Variants in SEMG1 observed in about 807,000 individuals in gnomAD.
SEMG1 encodes semenogelin 1, also known as semenogelin-1.
In SEMG1, 6 loss-of-function variants were observed where a neutral mutation model predicts 8.8. The ratio of observed to expected loss-of-function variants is 0.68; its 90% confidence interval spans 0.37 to 1.35. The LOEUF is 1.35. Among genes scored for constraint, SEMG1 ranks in the 40% most tolerant of loss-of-function variants. The pLI is 0.02. For missense variants in SEMG1, 580 were observed against 533.6 expected (o/e 1.09, Z -0.86); for synonymous variants, 221 against 190.3 (o/e 1.16, Z -1.33).
At chr20:45,208,989 T>G (rs1026239724) in intron 2 of SEMG1, among the ~76,000 whole-genome samples, 1 of 152,216 alleles carries the variant, frequency 6.6e-6, no homozygotes, top group Non-Finnish European at 1.5e-5. Context: ...TTTTTGTATA[T>G]GCCTACCTGC....
At chr20:45,209,141 C>G (rs1983788206) in intron 2 of SEMG1, among the ~76,000 whole-genome samples, 1 of 152,120 alleles carries the variant, frequency 6.6e-6, no homozygotes, top group Non-Finnish European at 1.5e-5. Flanking sequence ...TTAATGTTTT[C>G]TTTCTGCACA....
In SEMG1 at chr20:45,208,619, A is replaced by G; in HGVS notation, c.1322A>G (p.Gln441Arg). Reference protein sequence around the residue: ...HGGLDIVIIEQEDDSDRHLAQ... With the variant: ...HGGLDIVIIEREDDSDRHLAQ... Reference sequence around the variant, plus strand: ...GGATTGGATATTGTAATTATAGAGCAGGAAGATGACAGTGATCGTCATTTG... The same window carrying G: ...GGATTGGATATTGTAATTATAGAGCGGGAAGATGACAGTGATCGTCATTTG... The change falls in exon 2 of 3, where the codon CAG (glutamine) becomes CGG (arginine). Residue 441 changes from glutamine (Q) to arginine (R), a missense_variant. Coordinates refer to ENST00000372781, the MANE Select transcript of SEMG1 (RefSeq NM_003007.5). 1 of 1,613,632 alleles carries G rather than the reference A, an allele frequency of 6.2e-7. No homozygotes were observed. The highest frequency in any genetic ancestry group is 8.5e-7 in the Non-Finnish European group (1 of 1,179,804).
At position 45,208,476 on chromosome 20, in the gene SEMG1, T is replaced by TAA; in HGVS notation, c.1180_1181dup (p.Gln395SerfsTer44). ...AGTCTCAAATCCAGGCACCAAATCC[T>TAA]AAGCAAGAGCCATGGCATGGTGAAA... On this transcript the variant is annotated frameshift_variant, in exon 2 of 3. Coordinates refer to ENST00000372781, the MANE Select transcript of SEMG1 (RefSeq NM_003007.5). LOFTEE classifies it low-confidence loss of function (END_TRUNC). The TAA allele has an allele frequency of 1.2e-6, 2 of 1,613,892 alleles. No individual in the cohort carries two copies. The highest frequency in any genetic ancestry group is 8.5e-7 in the Non-Finnish European group (1 of 1,179,952).
chr20:45,208,956 A>G (rs1983783264), intron 2 of SEMG1, among the ~76,000 whole-genome samples: 1 of 152,186 alleles, frequency 6.6e-6, no homozygotes, highest in Admixed American at 6.5e-5. Flanking sequence ...CCTATCCTTA[A>G]TTGAATATTC....
At chr20:45,208,882 T>C (rs1365460143) in intron 2 of SEMG1, among the ~76,000 whole-genome samples, 152 bp downstream of exon 2, 1 of 152,160 alleles carries the variant, frequency 6.6e-6, no homozygotes, top group Non-Finnish European at 1.5e-5. Context: ...CCCCATTCCC[T>C]GGTGAGGAGA....
chr20:45,207,816 A>C lies in SEMG1; in HGVS notation c.519A>C (p.Lys173Asn). ...EERLWVHGLSKEQTSVSGAQK... is the reference protein window; with the variant it reads ...EERLWVHGLSNEQTSVSGAQK... ...GGCTGTGGGTTCATGGACTAAGTAA[A>C]GAACAAACTTCCGTCTCTGGTGCAC... Residue 173 changes from lysine (K) to asparagine (N), a missense_variant, in exon 2 of 3, where the codon AAA becomes AAC. By Grantham distance (94) the Lys-to-Asn change is moderately conservative. Coordinates refer to ENST00000372781, the MANE Select transcript of SEMG1 (RefSeq NM_003007.5). 5 of 1,614,100 alleles carry C rather than the reference A, an allele frequency of 3.1e-6. No homozygotes were observed. Among genetic ancestry groups the C allele is most frequent in the Non-Finnish European group, 4.2e-6 (5 of 1,179,964 alleles).
At position 45,208,211 on chromosome 20, in the gene SEMG1, T is replaced by G. The variant is rs764375362; in HGVS notation, c.914T>G (p.Val305Gly). ...ERRLHYGENG[V>G]QKDVSQSSIY... Reference sequence around the variant, plus strand: ...CGACTCCACTATGGAGAAAATGGTGTGCAGAAAGATGTATCCCAAAGCAGT... The same window carrying G: ...CGACTCCACTATGGAGAAAATGGTGGGCAGAAAGATGTATCCCAAAGCAGT... Residue 305 changes from valine to glycine, a missense_variant, in exon 2 of 3, where the codon GTG becomes GGG. Physicochemically the swap from Val to Gly is moderately radical, Grantham distance 109 (BLOSUM62 -3). Coordinates refer to ENST00000372781, the MANE Select transcript of SEMG1 (RefSeq NM_003007.5). 1.2e-6 allele frequency: 2 copies of G among 1,612,966 alleles called. No individual in the cohort carries two copies. Among genetic ancestry groups the G allele is most frequent in the African/African-American group, 2.7e-5 (2 of 74,840 alleles).
chr20:45,209,392 G>T (rs1480080124), intron 2 of SEMG1, among the ~76,000 whole-genome samples: 2 of 152,196 alleles, frequency 1.3e-5, no homozygotes, highest in African/African-American at 4.8e-5. Context: ...GGGTAATGGT[G>T]CTTCCCTGCC....
chr20:45,208,794 C>A (rs1385209918), intron 2 of SEMG1, 64 bp downstream of exon 2: 2 of 788,104 alleles, frequency 2.5e-6, no homozygotes, highest in Admixed American at 5.1e-5. Context: ...TGGGGACTCT[C>A]CAGGACTTTT....
At chr20:45,209,059 T>C (rs577189505) in intron 2 of SEMG1, among the ~76,000 whole-genome samples, 1 of 152,380 alleles carries the variant, frequency 6.6e-6, no homozygotes, top group South Asian at 2.1e-4. Flanking sequence ...TATGGTATAC[T>C]CTTGTCAGTT....
At chr20:45,209,422 T>G (rs1646963687) in intron 2 of SEMG1, among the ~76,000 whole-genome samples, 179 bp from the exon 3 acceptor site, 2 of 152,136 alleles carry the variant, frequency 1.3e-5, no homozygotes, top group African/African-American at 4.8e-5. Flanking sequence ...TAAGTAACAC[T>G]GCACTTGAAG....
Position 45,208,269 on chromosome 20 carries a change from C to A in SEMG1, c.972C>A (p.Gly324=). ...GCCAAACTGAAGAGAAAGCACAGGGCAAGTCTCAAAAACAGATAACAATTC... is the reference window on the plus strand; with the variant it reads ...GCCAAACTGAAGAGAAAGCACAGGGAAAGTCTCAAAAACAGATAACAATTC... ...IYSQTEEKAQ[G]KSQKQITIPS... The change falls in exon 2 of 3, where the codon GGC becomes GGA. Residue 324 remains glycine, a synonymous_variant. Coordinates refer to ENST00000372781, the MANE Select transcript of SEMG1 (RefSeq NM_003007.5). 2 of 1,610,766 alleles carry A rather than the reference C, an allele frequency of 1.2e-6. No homozygotes were observed. The highest frequency in any genetic ancestry group is 1.7e-6 in the Non-Finnish European group (2 of 1,178,518).
Position 45,207,453 on chromosome 20 carries a change from A to G in SEMG1, c.156A>G (p.Lys52=). Residue 52 remains lysine (K), a synonymous_variant, in exon 2 of 3, where the codon AAA becomes AAG. Coordinates refer to ENST00000372781, the MANE Select transcript of SEMG1 (RefSeq NM_003007.5). The part of the protein sequence containing the change: ...GQKGQHYSGQ[K]GKQQTESKGS... Reference sequence around the variant, plus strand: ...AGGGCCAGCACTATTCTGGACAAAAAGGCAAGCAACAAACTGAATCCAAAG... The same window carrying G: ...AGGGCCAGCACTATTCTGGACAAAAGGGCAAGCAACAAACTGAATCCAAAG... 6.2e-7 allele frequency: 1 copy of G among 1,613,926 alleles called. No individual in the cohort carries two copies. Among genetic ancestry groups the G allele is most frequent in the Non-Finnish European group, 8.5e-7 (1 of 1,179,846 alleles).
At position 45,207,144 on chromosome 20, in the gene SEMG1, T is replaced by A. The variant is rs1983709012; in HGVS notation, c.76+15T>A. 1.2e-6 allele frequency: 2 copies of A among 1,613,590 alleles called. No homozygotes were observed. The highest frequency in any genetic ancestry group is 1.7e-5 in the Admixed American group (1 of 59,932). On this transcript the variant is annotated intron_variant, in intron 1 of 2. Transcript: ENST00000372781. ...GGGACAAAAAGGTGAGTGGAGAGGGTAAGCCTTGGGGAAAGCTGCTCAGAC... is the reference window on the plus strand; with the variant it reads ...GGGACAAAAAGGTGAGTGGAGAGGGAAAGCCTTGGGGAAAGCTGCTCAGAC...
rs943077232 is a variant in SEMG1, at chr20:45,208,813, G to T, written c.*44+83G>T. ...GACTCTCCAGGACTTTTGTGGGATT[G>T]ATAACCATTGTTCGCACCAATAGAA... On this transcript the variant is annotated intron_variant, in intron 2 of 2. Coordinates refer to ENST00000372781, the MANE Select transcript of SEMG1 (RefSeq NM_003007.5). The T allele has an allele frequency of 1.3e-5, 9 of 678,682 alleles. No individual in the cohort carries two copies. In the Admixed American group the frequency reaches 2.0e-4, roughly 15 times the overall value. 42.0% of individuals were successfully genotyped at this position (678,682 alleles called of 1,614,324 possible).
chr20:45,208,774 T>A, intron 2 of SEMG1, 44 bp downstream of exon 2: 1 of 931,878 alleles, frequency 1.1e-6, no homozygotes, highest in Non-Finnish European at 1.7e-6. Flanking sequence ...CTCTCATTGT[T>A]TAGAATTGTT....
In SEMG1 at chr20:45,208,702, A is replaced by G; in HGVS notation, c.*16A>G. 6.5e-7 allele frequency: 1 copy of G among 1,549,282 alleles called. No homozygotes were observed. Among genetic ancestry groups the G allele is most frequent in the Non-Finnish European group, 8.8e-7 (1 of 1,136,226 alleles). On this transcript the variant is annotated 3_prime_UTR_variant, in exon 2 of 3. Coordinates refer to ENST00000372781, the MANE Select transcript of SEMG1 (RefSeq NM_003007.5). ...ATTTACATAAACCTACCATTCGGTA[A>G]CCATGTGAAAGGATGGACCAATATC...
intron 2 of SEMG1, among the ~76,000 whole-genome samples, 172 bp from the exon 3 acceptor site, chr20:45,209,429 G>T (rs1983795090): frequency 6.6e-6 from 1 of 152,188 alleles, no homozygotes; most frequent in African/African-American, 2.4e-5. Context: ...CACTGCACTT[G>T]AAGAGAGGGC....
rs865972710 is a variant in SEMG1 at position 45,208,045 on chromosome 20, T to C, written c.748T>C (p.Ser250Pro). ...PAHQDKLQHG[S>P]KDIFSTQDEL... The stretch of plus-strand genomic sequence containing the variant: ...GCACCAAGACAAACTCCAACATGGA[T>C]CCAAAGACATTTTTTCTACCCAAGA... Residue 250 changes from serine to proline, a missense_variant, in exon 2 of 3, where the codon TCC becomes CCC. Coordinates refer to ENST00000372781, the MANE Select transcript of SEMG1 (RefSeq NM_003007.5). 4 of 1,613,680 alleles carry C rather than the reference T, an allele frequency of 2.5e-6. No individual in the cohort carries two copies. The highest frequency in any genetic ancestry group is 2.7e-5 in the African/African-American group (2 of 74,876).
Sources: allele counts gnomAD v4.1 joint callset (sites outside exome capture counted in the v4.1 genomes callset), GRCh38; gene constraint gnomAD v4.1.1; transcripts MANE v1.5; gene names NCBI Gene and HGNC (gene_info 2026-07-23, HGNC 2026-07-21).